SLC30A10: variants seen among roughly 807,000 people sequenced by gnomAD.
SLC30A10 encodes solute carrier family 30 member 10, also known as calcium/manganese antiporter SLC30A10.
SLC30A10 carries 8 observed loss-of-function variants against 21.7 expected under a neutral mutation model. That is an observed-to-expected ratio of 0.37 (90% confidence interval 0.22 to 0.67). SLC30A10 has a LOEUF of 0.67. Among genes scored for constraint, SLC30A10 ranks in the 30% least tolerant of loss-of-function variants. The pLI, the probability that SLC30A10 is intolerant of heterozygous loss-of-function variation, is 0.58. For synonymous variants in SLC30A10, 272 were observed against 279.4 expected (o/e 0.97, Z 0.26); for missense variants, 521 against 642.5 (o/e 0.81, Z 2.04).
At chr1:219,920,903 C>T (rs1050411236) in intron 2 of SLC30A10, among the ~76,000 whole-genome samples, 1 of 152,140 alleles carries the variant, frequency 6.6e-6, no homozygotes, top group Non-Finnish European at 1.5e-5. Flanking sequence ...CAAAGGGCCC[C>T]AGGGAAGACC....
Position 219,915,711 on chromosome 1 carries a change from A to G in SLC30A10, c.1196T>C (p.Leu399Pro), listed in dbSNP as rs1466528790. The change falls in exon 4 of 4, where the codon CTC becomes CCC. Residue 399 changes from leucine to proline, a missense_variant. Leu to Pro is a moderately conservative substitution (Grantham distance 98). Transcript: ENST00000366926. Reference sequence around the variant, plus strand: ...CTTGGAGATGCAGGGTGAGTTGCAGAGCAACAGTAAGTCCTTCTGCTCCAG... The same window carrying G: ...CTTGGAGATGCAGGGTGAGTTGCAGGGCAACAGTAAGTCCTTCTGCTCCAG... The part of the protein sequence containing the change: ...EPLEQKDLLL[L>P]CNSPCISKGC... The G allele has an allele frequency of 6.2e-7, 1 of 1,614,120 alleles. No homozygotes were observed. The highest frequency in any genetic ancestry group is 1.3e-5 in the African/African-American group (1 of 74,944).
upstream of SLC30A10, among the ~76,000 whole-genome samples, chr1:219,929,567 C>A (rs1225139580): frequency 6.6e-6 from 1 of 151,804 alleles, no homozygotes; most frequent in Non-Finnish European, 1.5e-5. Flanking sequence ...GTTGCCCAGG[C>A]TGGAGTGCAA....
intron 1 of SLC30A10, among the ~76,000 whole-genome samples, chr1:219,936,944 CT>C (rs778372134): frequency 1.5e-4 from 23 of 152,206 alleles, no homozygotes; most frequent in Non-Finnish European, 2.8e-4. Context: ...CACCAACAGT[CT>C]TTTCATACCA....
rs1659462679 is a variant in SLC30A10, at chr1:219,913,506, T to A, written c.*1943A>T. 1.3e-5 allele frequency: 2 copies of A among 152,106 alleles called. No homozygotes were observed. The highest frequency in any genetic ancestry group is 1.5e-5 in the Non-Finnish European group (1 of 68,014). The allele number at this position is 152,106 out of a possible 1,614,324, so 9.4% of individuals were successfully genotyped here. A position where few individuals can be genotyped will look rare whatever the true frequency, so the allele number is the denominator to read the frequency against. On this transcript the variant is annotated 3_prime_UTR_variant, in exon 4 of 4. Coordinates refer to ENST00000366926, the MANE Select transcript of SLC30A10 (RefSeq NM_018713.3). ...TTCAAATTTGGAAGTCAGAGAAAAA[T>A]TTCTTTTTTGGCTCTAAGGAATTTC...
At chr1:219,930,738 A>G (rs2102537769), upstream of SLC30A10, among the ~76,000 whole-genome samples, 1 of 152,358 alleles carries the variant, frequency 6.6e-6, no homozygotes, top group East Asian at 1.9e-4. Context: ...CAACATAAAA[A>G]TAATCAATAA....
chr1:219,928,531 T>TGAGGCCCGGTACCCGC lies in SLC30A10; in HGVS notation c.-107_-92dup. ...AGGTGGGGGGCGCGGCGCGGATCCG[T>TGAGGCCCGGTACCCGC]GAGGCCCGGTACCCGCCTCCCAGAT... is the stretch of plus-strand genomic sequence containing the variant. On this transcript the variant is annotated 5_prime_UTR_variant, in exon 1 of 4. Coordinates refer to ENST00000366926, the MANE Select transcript of SLC30A10 (RefSeq NM_018713.3). The surrounding 1 kb of genome is among the most constrained non-coding windows in gnomAD (Gnocchi z 6.3). 2 of 1,220,468 alleles carry TGAGGCCCGGTACCCGC rather than the reference T, an allele frequency of 1.6e-6. No homozygotes were observed. The highest frequency in any genetic ancestry group is 2.2e-6 in the Non-Finnish European group (2 of 928,962). The allele number at this position is 1,220,468 out of a possible 1,614,324, so 75.6% of individuals were successfully genotyped here. A position where few individuals can be genotyped will look rare whatever the true frequency, so the allele number is the denominator to read the frequency against.
chr1:219,942,007 A>G (rs916932895), intron 1 of SLC30A10, among the ~76,000 whole-genome samples: 12 of 152,202 alleles, frequency 7.9e-5, no homozygotes, highest in Non-Finnish European at 1.5e-4. Context: ...AAAAACCAAG[A>G]AGACTTCTTT....
upstream of SLC30A10, among the ~76,000 whole-genome samples, chr1:219,930,755 G>A (rs1390861201): frequency 6.6e-6 from 1 of 152,134 alleles, no homozygotes; most frequent in Admixed American, 6.6e-5. Context: ...ATAATGTAGA[G>A]GTAAGAAGAT....
rs200186987 is a variant in SLC30A10, at chr1:219,918,543, C to T, written c.719-49G>A. 1.4e-4 allele frequency: 214 copies of T among 1,526,798 alleles called. No individual in the cohort carries two copies. The highest frequency in any genetic ancestry group is 1.8e-4 in the Non-Finnish European group (208 of 1,138,868). 94.6% of individuals were successfully genotyped at this position (1,526,798 alleles called of 1,614,324 possible). A position where few individuals can be genotyped will look rare whatever the true frequency, so the allele number is the denominator to read the frequency against. On this transcript the variant is annotated intron_variant, in intron 2 of 3. Transcript: ENST00000366926. The surrounding 1 kb of genome is among the most constrained non-coding windows in gnomAD (Gnocchi z 4.4). ...AGCACAGATGCAAATCTGGAAGCCA[C>T]GTGACACTCACTGACTTGGGTGTCC... is the stretch of plus-strand genomic sequence containing the variant.
chr1:219,925,651 A>T (rs11118459), intron 2 of SLC30A10, among the ~76,000 whole-genome samples: 16,741 of 49,520 alleles, frequency 0.34, 4,555 homozygotes, highest in Non-Finnish European at 0.39. Context: ...ATATATATAT[A>T]TTTTTTTTTT....
rs1571803037 is a variant in SLC30A10 at position 219,928,252 on chromosome 1, G to T, written c.189C>A (p.Arg63=). 6.3e-7 allele frequency: 1 copy of T among 1,581,568 alleles called. No individual in the cohort carries two copies. Among genetic ancestry groups the T allele is most frequent in the East Asian group, 2.3e-5 (1 of 43,440 alleles). Residue 63 remains arginine (R), a synonymous_variant, in exon 1 of 4, where the codon CGC becomes CGA. Transcript: ENST00000366926. This position sits in a 1 kb window ranked among gnomAD's most constrained non-coding sequence, Gnocchi z 6.3. ...VGLSAGYIAR[R]PTRGFSATYG... ...AGGTGGCGCTGAAGCCCCGGGTGGGGCGCCGGGCGATGTAGCCGGCGCTCA... is the reference window on the plus strand; with the variant it reads ...AGGTGGCGCTGAAGCCCCGGGTGGGTCGCCGGGCGATGTAGCCGGCGCTCA...
In SLC30A10 at chr1:219,913,164, A is replaced by G. The variant is rs1659456368; in HGVS notation, c.*2285T>C. On this transcript the variant is annotated 3_prime_UTR_variant, in exon 4 of 4. Transcript: ENST00000366926. ...ACAGGTGGCAAATGCAAGCCACTCAACCCAATACAAAATTATTGCACTTAG... is the reference window on the plus strand; with the variant it reads ...ACAGGTGGCAAATGCAAGCCACTCAGCCCAATACAAAATTATTGCACTTAG... Among the ~76,000 whole-genome samples the G allele has an allele frequency of 1.3e-5, 2 of 152,258 alleles. No individual in the cohort carries two copies. The highest frequency in any genetic ancestry group is 1.3e-4 in the Admixed American group (2 of 15,290).
rs77015523 is a variant in SLC30A10 at position 219,927,638 on chromosome 1, T to TAAAA, written c.640+159_640+162dup. Among the ~76,000 whole-genome samples the TAAAA allele has an allele frequency of 1.4e-3, 75 of 53,408 alleles. 1 individual carries two copies. Among genetic ancestry groups the TAAAA allele is most frequent in the Non-Finnish European group, 2.2e-3 (61 of 27,186 alleles). The allele number at this position is 53,408 out of a possible 152,430, so 35.0% of individuals were successfully genotyped here. A position where few individuals can be genotyped will look rare whatever the true frequency, so the allele number is the denominator to read the frequency against. ...GGGATTGTAAAGGGAATGGATTTATTAAAAAAAAAAAAAAAAAAAAAAAAA... is the reference window on the plus strand; with the variant it reads ...GGGATTGTAAAGGGAATGGATTTATTAAAAAAAAAAAAAAAAAAAAAAAAAAAAA... On this transcript the variant is annotated intron_variant, in intron 1 of 3. Transcript: ENST00000366926.
intron 2 of SLC30A10, among the ~76,000 whole-genome samples, chr1:219,921,907 A>AGAG (rs1659687168): frequency 3.0e-5 from 2 of 65,980 alleles, no homozygotes; most frequent in African/African-American, 7.8e-5. Context: ...GTGTGTGTGA[A>AGAG]AGAGAGAGAG....
chr1:219,917,484 C>T (rs1207043571), intron 3 of SLC30A10, among the ~76,000 whole-genome samples: 1 of 152,158 alleles, frequency 6.6e-6, no homozygotes, highest in Non-Finnish European at 1.5e-5. Context: ...GCTCTGCCTG[C>T]AGCTCTGGGC....
intron 2 of SLC30A10, among the ~76,000 whole-genome samples, chr1:219,926,218 T>A (rs546758913): frequency 1.3e-5 from 2 of 152,266 alleles, no homozygotes; most frequent in African/African-American, 4.8e-5. Context: ...AGTGAAGGTA[T>A]CTCCTGAATT....
At chr1:219,950,943 C>T (rs183735845) in intron 1 of SLC30A10, among the ~76,000 whole-genome samples, 2 of 152,136 alleles carry the variant, frequency 1.3e-5, no homozygotes, top group Admixed American at 1.3e-4. Flanking sequence ...AGCAAAACTC[C>T]GTCTCAAAAA....
At chr1:219,927,691 AC>A (rs1659873790) in intron 1 of SLC30A10, 109 bp downstream of exon 1, 37 of 912,304 alleles carry the variant, frequency 4.1e-5, no homozygotes, top group South Asian at 1.6e-4. Context: ...AAAAAAAAAA[AC>A]AGAAAAAAAG....
chr1:219,919,943 C>T (rs896698217), intron 2 of SLC30A10, among the ~76,000 whole-genome samples: 13 of 152,100 alleles, frequency 8.5e-5, no homozygotes, highest in African/African-American at 3.1e-4. Context: ...TAACAACTTA[C>T]TCATGGCTAA....
Sources: gnomAD v4.1 joint callset for allele counts (sites outside exome capture counted in the v4.1 genomes callset) on GRCh38, gnomAD v4.1.1 for gene constraint, Gnocchi (gnomAD v3.1) non-coding constraint, MANE v1.5 for transcripts, NCBI Gene and HGNC (gene_info 2026-07-23, HGNC 2026-07-21) for gene names.